The following VEPH1 variants were observed in gnomAD, a reference collection of about 807,000 sequenced individuals.
VEPH1 encodes ventricular zone expressed PH domain containing 1, also known as ventricular zone-expressed PH domain-containing protein homolog 1.
A neutral mutation model predicts 85.2 loss-of-function variants in VEPH1; 80 were observed. The ratio of observed to expected loss-of-function variants is 0.94; its 90% CI spans 0.78 to 1.13. VEPH1 has a LOEUF of 1.13. Among genes scored for constraint, VEPH1 ranks in the 50% most tolerant of loss-of-function variants. The pLI, the probability that VEPH1 is intolerant of heterozygous loss-of-function variation, is 0.00. For synonymous variants in VEPH1, 297 were observed against 348.0 expected, an observed-to-expected ratio of 0.85 and a Z score of 1.63; for missense variants, 955 against 980.5, an observed-to-expected ratio of 0.97 and a Z score of 0.35.
intron 11 of VEPH1, among the ~76,000 whole-genome samples, 185 bp from the exon 12 acceptor site, chr3:157,286,859 C>G (rs1446638294): frequency 6.6e-6 from 1 of 152,170 alleles, no homozygotes; most frequent in African/African-American, 2.4e-5. Flanking sequence ...CTAAACTTTT[C>G]CAGAAGAGTA....
At chr3:157,336,863 A>G (rs1490187823) in intron 9 of VEPH1, among the ~76,000 whole-genome samples, 1 of 152,226 alleles carries the variant, frequency 6.6e-6, no homozygotes. Flanking sequence ...TTTTCCTACT[A>G]CAATGGCAGA....
At position 157,354,884 on chromosome 3, in the gene VEPH1, T is replaced by C. The variant is rs547366529; in HGVS notation, c.1735+8480A>G. Among the ~76,000 whole-genome samples the C allele has an allele frequency of 2.6e-5, 4 of 152,286 alleles. No homozygotes were observed. In the South Asian group the frequency reaches 8.3e-4, roughly 32 times the overall value. Reference sequence around the variant, plus strand: ...GTCTCTAGCCCCCTCTACAGACTAATCTCCACATTGCAGGTAGGGAGATAT... The same window carrying C: ...GTCTCTAGCCCCCTCTACAGACTAACCTCCACATTGCAGGTAGGGAGATAT... On this transcript the variant is annotated intron_variant, in intron 9 of 13. Transcript: ENST00000362010.
At chr3:157,410,992 A>G (rs1731488345) in intron 6 of VEPH1, among the ~76,000 whole-genome samples, 1 of 152,192 alleles carries the variant, frequency 6.6e-6, no homozygotes. Flanking sequence ...TCTGCCTTGC[A>G]GCTACACGTG....
intron 9 of VEPH1, among the ~76,000 whole-genome samples, chr3:157,327,353 G>A (rs1186550966): frequency 6.6e-6 from 1 of 152,104 alleles, no homozygotes. Context: ...ATGAGCAGTT[G>A]GGATTAACTT....
chr3:157,437,744 T>C (rs2109192879), intron 4 of VEPH1: 3 of 1,496,062 alleles, frequency 2.0e-6, no homozygotes, highest in East Asian at 5.5e-5. Flanking sequence ...GACGAGCTGC[T>C]GCAGGCGACC....
At chr3:157,381,712 C>T (rs948748803) in intron 6 of VEPH1, 10 of 210,912 alleles carry the variant, frequency 4.7e-5, no homozygotes, top group Admixed American at 1.6e-4. Context: ...GAGGGAGACT[C>T]GGTCTCAGAA....
intron 4 of VEPH1, among the ~76,000 whole-genome samples, chr3:157,434,766 A>AT (rs1233425736): frequency 6.0e-5 from 9 of 150,682 alleles, no homozygotes; most frequent in South Asian, 4.2e-4. Flanking sequence ...TCCTTCATTA[A>AT]TTTTTTTTTC....
At chr3:157,422,797 C>T (rs1466602798) in intron 5 of VEPH1, among the ~76,000 whole-genome samples, 1 of 152,200 alleles carries the variant, frequency 6.6e-6, no homozygotes, top group African/African-American at 2.4e-5. Flanking sequence ...CTTTAACTCT[C>T]CTTGTTTTTT....
intron 2 of VEPH1, among the ~76,000 whole-genome samples, chr3:157,480,586 A>C (rs1402819405): frequency 6.6e-6 from 1 of 152,158 alleles, no homozygotes; most frequent in Non-Finnish European, 1.5e-5. Flanking sequence ...TTCACTTAGG[A>C]TAAATGGCCT....
At chr3:157,442,551 C>G (rs1002005370) in intron 4 of VEPH1, 1 of 1,614,152 alleles carries the variant, frequency 6.2e-7, no homozygotes, top group South Asian at 1.1e-5. Flanking sequence ...CCAGCTGTAT[C>G]TCAGCTACCA....
intron 7 of VEPH1, among the ~76,000 whole-genome samples, chr3:157,371,083 AAAG>A (rs1246715623): frequency 1.3e-5 from 2 of 152,076 alleles, no homozygotes; most frequent in African/African-American, 2.4e-5. Flanking sequence ...TTTGACACTG[AAAG>A]AAGGAGGTTT....
chr3:157,483,211 G>A (rs1004703834), intron 2 of VEPH1, among the ~76,000 whole-genome samples: 1 of 151,074 alleles, frequency 6.6e-6, no homozygotes, highest in Non-Finnish European at 1.5e-5. Context: ...AATCTCCAAA[G>A]CCAAGACATC....
chr3:157,401,859 G>T (rs1341423492), intron 6 of VEPH1, among the ~76,000 whole-genome samples: 1 of 152,074 alleles, frequency 6.6e-6, no homozygotes, highest in Non-Finnish European at 1.5e-5. Context: ...AATAGAATGG[G>T]GTTGTGAAGA....
At chr3:157,426,024 C>T (rs1478199711) in intron 5 of VEPH1, among the ~76,000 whole-genome samples, 1 of 152,126 alleles carries the variant, frequency 6.6e-6, no homozygotes, top group African/African-American at 2.4e-5. Flanking sequence ...CATGGGGTTC[C>T]TCATTTTCTC....
At chr3:157,367,841 A>C (rs149526915) in intron 7 of VEPH1, among the ~76,000 whole-genome samples, 461 of 152,268 alleles carry the variant, frequency 3.0e-3, no homozygotes, top group Admixed American at 6.9e-3. Flanking sequence ...AAACATATGA[A>C]TTGTTAGAGG....
chr3:157,273,314 G>A (rs1005789160), intron 12 of VEPH1, among the ~76,000 whole-genome samples: 1 of 152,214 alleles, frequency 6.6e-6, no homozygotes, highest in Non-Finnish European at 1.5e-5. Flanking sequence ...CTCAATTATT[G>A]AGATGCAGAG....
chr3:157,486,862 T>C (rs1386973193), intron 2 of VEPH1, among the ~76,000 whole-genome samples: 1 of 152,146 alleles, frequency 6.6e-6, no homozygotes, highest in African/African-American at 2.4e-5. Context: ...AGTTAAGATT[T>C]AACTTAACAA....
chr3:157,371,531 G>C (rs1224602810), intron 7 of VEPH1, among the ~76,000 whole-genome samples: 1 of 152,220 alleles, frequency 6.6e-6, no homozygotes, highest in Non-Finnish European at 1.5e-5. Flanking sequence ...GAGCTTGTCA[G>C]AAGTGCAGAA....
intron 4 of VEPH1, among the ~76,000 whole-genome samples, chr3:157,458,796 T>C (rs1419822797): frequency 2.0e-5 from 3 of 152,194 alleles, no homozygotes; most frequent in Non-Finnish European, 4.4e-5. Flanking sequence ...GAGTTAATTT[T>C]TGTATATGGT....
Sources: allele counts gnomAD v4.1 joint callset (sites outside exome capture counted in the v4.1 genomes callset), GRCh38; gene constraint gnomAD v4.1.1; transcripts MANE v1.5; gene names NCBI Gene and HGNC (gene_info 2026-07-23, HGNC 2026-07-21).